The following GAN variants were observed in gnomAD, a reference collection of about 807,000 sequenced individuals.
GAN encodes epididymis secretory sperm binding protein.
A neutral mutation model predicts 71.3 loss-of-function variants in GAN; 48 were observed. That is an observed-to-expected ratio of 0.67 (90% CI 0.53 to 0.86). The LOEUF is 0.86. GAN is among the 40% of genes least tolerant of loss of function. The pLI, the probability that GAN is intolerant of heterozygous loss-of-function variation, is 0.00. For synonymous variants in GAN, 386 were observed against 276.8 expected (o/e 1.39, Z -3.92); for missense variants, 928 against 770.1 (o/e 1.21, Z -2.43).
At chr16:81,321,742 AT>A (rs1219288380) in intron 1 of GAN, among the ~76,000 whole-genome samples, 2 of 152,212 alleles carry the variant, frequency 1.3e-5, no homozygotes, top group Admixed American at 1.3e-4. Context: ...CAAGACTATC[AT>A]TTTGTGTACT....
intron 1 of GAN, among the ~76,000 whole-genome samples, chr16:81,338,585 A>G: frequency 6.6e-6 from 1 of 152,246 alleles, no homozygotes; most frequent in East Asian, 1.9e-4. Context: ...AAATGAAAGT[A>G]TATGGAAGGA....
chr16:81,346,489 G>A (rs1441380331), intron 1 of GAN, among the ~76,000 whole-genome samples: 2 of 152,194 alleles, frequency 1.3e-5, no homozygotes, highest in East Asian at 1.9e-4. Flanking sequence ...ATCAGTGGTG[G>A]CATTAGATTC....
rs1904286309 is a variant in GAN at position 81,377,614 on chromosome 16, G to A, written c.*18G>A. 1 of 1,610,664 alleles carries A rather than the reference G, an allele frequency of 6.2e-7. No homozygotes were observed. The highest frequency in any genetic ancestry group is 8.5e-7 in the Non-Finnish European group (1 of 1,177,036). On this transcript the variant is annotated 3_prime_UTR_variant, in exon 11 of 11. Transcript: ENST00000648994. The stretch of plus-strand genomic sequence containing the variant: ...CCCCTTGAGGAGGAAGCAGAGCAGA[G>A]TGCGAGATCCTGACCCAAGAGCACC...
At chr16:81,333,217 A>T (rs1909645924) in intron 1 of GAN, among the ~76,000 whole-genome samples, 2 of 147,720 alleles carry the variant, frequency 1.4e-5, no homozygotes, top group South Asian at 4.3e-4. Context: ...ACTCCAGCCT[A>T]GGCAACAGAG....
chr16:81,386,574 A>C lies in GAN; in HGVS notation c.*8978A>C, dbSNP rs1426835106. On this transcript the variant is annotated 3_prime_UTR_variant, in exon 11 of 11. Coordinates refer to ENST00000648994, the MANE Select transcript of GAN (RefSeq NM_022041.4). ...GTTAGGTTATGAGACTGGCAGAGGT[A>C]GGAGTATATAATGTGCTCAGCTTGT... The C allele has an allele frequency of 6.6e-6, 1 of 152,248 alleles. No individual in the cohort carries two copies. The highest frequency in any genetic ancestry group is 6.5e-5 in the Admixed American group (1 of 15,278). The allele number at this position is 152,248 out of a possible 1,614,324, so 9.4% of individuals were successfully genotyped here.
intron 1 of GAN, among the ~76,000 whole-genome samples, chr16:81,340,356 A>G (rs1037520674): frequency 1.3e-5 from 2 of 152,248 alleles, no homozygotes; most frequent in Admixed American, 6.5e-5. Flanking sequence ...TAAAAATAAA[A>G]GAAAACAATA....
rs1321683296 is a variant in GAN at position 81,390,434 on chromosome 16, A to G, written c.*12838A>G. ...GTTTACAAGTAATACTGATGCAAAAAGGATTTGTTAACCTAAATTAAGTAG... is the reference window on the plus strand; with the variant it reads ...GTTTACAAGTAATACTGATGCAAAAGGGATTTGTTAACCTAAATTAAGTAG... On this transcript the variant is annotated 3_prime_UTR_variant, in exon 11 of 11. Transcript: ENST00000648994. 3 of 152,258 alleles carry G rather than the reference A, an allele frequency of 2.0e-5. No homozygotes were observed. The highest frequency in any genetic ancestry group is 4.4e-5 in the Non-Finnish European group (3 of 68,046). The allele number at this position is 152,258 out of a possible 1,614,324, so 9.4% of individuals were successfully genotyped here. A position where few individuals can be genotyped will look rare whatever the true frequency, so the allele number is the denominator to read the frequency against.
Position 81,379,024 on chromosome 16 carries a change from T to C in GAN, c.*1428T>C, listed in dbSNP as rs1904292400. The C allele has an allele frequency of 6.6e-6, 1 of 151,712 alleles. No homozygotes were observed. The highest frequency in any genetic ancestry group is 2.1e-4 in the South Asian group (1 of 4,818). 9.4% of individuals were successfully genotyped at this position (151,712 alleles called of 1,614,324 possible). On this transcript the variant is annotated 3_prime_UTR_variant, in exon 11 of 11. Coordinates refer to ENST00000648994, the MANE Select transcript of GAN (RefSeq NM_022041.4). ...TAATATACAGTACTTCATTTTTAAT[T>C]GTTTTCTAAAAAAAAGGTTTTTTTT...
chr16:81,338,707 C>A (rs1472788076), intron 1 of GAN, among the ~76,000 whole-genome samples: 1 of 152,146 alleles, frequency 6.6e-6, no homozygotes, highest in African/African-American at 2.4e-5. Context: ...TGTGTAGTTA[C>A]TAAATTAGAA....
chr16:81,376,552 CAT>C (rs977724464), intron 9 of GAN, among the ~76,000 whole-genome samples: 11 of 142,466 alleles, frequency 7.7e-5, no homozygotes, highest in African/African-American at 2.7e-4. Flanking sequence ...TATATACACA[CAT>C]ATACATATAT....
chr16:81,347,528 A>T (rs1309248730), intron 1 of GAN, among the ~76,000 whole-genome samples: 1 of 152,032 alleles, frequency 6.6e-6, no homozygotes, highest in Admixed American at 6.6e-5. Context: ...TTCTTGATAT[A>T]TTCCTTTGTT....
At chr16:81,356,705 G>A (rs755230466) in intron 3 of GAN, 80 bp from the exon 4 acceptor site, 68 of 986,688 alleles carry the variant, frequency 6.9e-5, no homozygotes, top group Non-Finnish European at 1.1e-4. Flanking sequence ...TGTTTTCCAT[G>A]AGGTGGAAAA....
chr16:81,356,695 T>G, intron 3 of GAN, 90 bp from the exon 4 acceptor site: 1 of 914,886 alleles, frequency 1.1e-6, no homozygotes, highest in Non-Finnish European at 1.8e-6. Flanking sequence ...GTTAACAGTT[T>G]GTTTTCCATG....
At chr16:81,358,372 T>C (rs573064349) in intron 5 of GAN, among the ~76,000 whole-genome samples, 1 of 152,222 alleles carries the variant, frequency 6.6e-6, no homozygotes, top group Admixed American at 6.5e-5. Context: ...CCCCGCAGTT[T>C]AGGAGGCTAA....
At chr16:81,338,328 G>A (rs1909833042) in intron 1 of GAN, among the ~76,000 whole-genome samples, 1 of 152,160 alleles carries the variant, frequency 6.6e-6, no homozygotes, top group Admixed American at 6.5e-5. Flanking sequence ...GTATGATCCT[G>A]TAGCCTCCTG....
Position 81,357,790 on chromosome 16 carries a change from T to C in GAN, c.852-20T>C. 1 of 1,608,738 alleles carries C rather than the reference T, an allele frequency of 6.2e-7. No individual in the cohort carries two copies. Among genetic ancestry groups the C allele is most frequent in the Non-Finnish European group, 8.5e-7 (1 of 1,175,130 alleles). ...CTGTATGAAGCACATTAACTACTGA[T>C]CACTTATTTACTTCCTTAGTTCACG... On this transcript the variant is annotated intron_variant, in intron 4 of 10. Coordinates refer to ENST00000648994, the MANE Select transcript of GAN (RefSeq NM_022041.4).
In GAN at chr16:81,381,233, T is replaced by C. The variant is rs556871389; in HGVS notation, c.*3637T>C. The C allele has an allele frequency of 1.3e-5, 2 of 152,300 alleles. No individual in the cohort carries two copies. The highest frequency in any genetic ancestry group is 2.1e-4 in the South Asian group (1 of 4,826). 9.4% of individuals were successfully genotyped at this position (152,300 alleles called of 1,614,324 possible). A position where few individuals can be genotyped will look rare whatever the true frequency, so the allele number is the denominator to read the frequency against. ...TGTGGTCCATTAGAGTTCCCTTTGGTACATTCCTACCTCAGTGTACCAAAC... is the reference window on the plus strand; with the variant it reads ...TGTGGTCCATTAGAGTTCCCTTTGGCACATTCCTACCTCAGTGTACCAAAC... On this transcript the variant is annotated 3_prime_UTR_variant, in exon 11 of 11. Transcript: ENST00000648994.
At chr16:81,331,511 A>G (rs2150672225) in intron 1 of GAN, among the ~76,000 whole-genome samples, 1 of 152,344 alleles carries the variant, frequency 6.6e-6, no homozygotes, top group East Asian at 1.9e-4. Context: ...AACTTTTTTA[A>G]AAATCTTAAA....
rs1713848888 is a variant in GAN, at chr16:81,365,418, A to G, written c.1442A>G (p.Asp481Gly). Residue 481 changes from aspartate to glycine, a missense_variant, in exon 9 of 11, where the codon GAC becomes GGC. Coordinates refer to ENST00000648994, the MANE Select transcript of GAN (RefSeq NM_022041.4). Reference sequence around the variant, plus strand: ...TTTGGGGGAGTCCGAAGTCGTGAGGACGCCCAGGGTAGCGAGATGGTAACT... The same window carrying G: ...TTTGGGGGAGTCCGAAGTCGTGAGGGCGCCCAGGGTAGCGAGATGGTAACT... ...YVFGGVRSRE[D>G]AQGSEMVTCK... 3.7e-6 allele frequency: 6 copies of G among 1,613,514 alleles called. No homozygotes were observed. Among genetic ancestry groups the G allele is most frequent in the African/African-American group, 1.3e-5 (1 of 74,786 alleles).
Sources: gnomAD v4.1 joint callset for allele counts (sites outside exome capture counted in the v4.1 genomes callset) on GRCh38, gnomAD v4.1.1 for gene constraint, MANE v1.5 for transcripts, NCBI Gene and HGNC (gene_info 2026-07-23, HGNC 2026-07-21) for gene names.